Variants in ZNF362 observed in about 807,000 individuals in gnomAD.
ZNF362 encodes the protein zinc finger protein 362, also known as rotund homolog.
ZNF362 carries 11 observed loss-of-function variants against 42.9 expected under a neutral mutation model. That is an observed-to-expected ratio of 0.26 (90% CI 0.16 to 0.42). The LOEUF is 0.42. Among genes scored for constraint, ZNF362 ranks in the 20% least tolerant of loss-of-function variants. The pLI is 1.00. For missense variants in ZNF362, 362 were observed against 576.2 expected, an observed-to-expected ratio of 0.63 and a Z score of 3.81; for synonymous variants, 255 against 257.3, an observed-to-expected ratio of 0.99 and a Z score of 0.09.
At chr1:33,270,666 G>A (rs2148079499) in intron 2 of ZNF362, 54 bp downstream of exon 2, 4 of 1,599,012 alleles carry the variant, frequency 2.5e-6, no homozygotes, top group South Asian at 1.1e-5. Flanking sequence ...TTGTTCTTTG[G>A]GGGATTAAAG....
At chr1:33,181,594 G>A in the ZNF362 span, 1 of 1,310,826 alleles carries the variant, frequency 7.6e-7, no homozygotes, top group Admixed American at 3.2e-5. This position sits in a 1 kb window ranked among gnomAD's most constrained non-coding sequence, Gnocchi z 6.5. Flanking sequence ...CGGAAGGAGG[G>A]TAACGCGAGG....
At chr1:33,161,560 G>A in the ZNF362 span, among the ~76,000 whole-genome samples, 1 of 152,116 alleles carries the variant, frequency 6.6e-6, no homozygotes, top group Non-Finnish European at 1.5e-5. This position sits in a 1 kb window ranked among gnomAD's most constrained non-coding sequence, Gnocchi z 4.3. Flanking sequence ...GCCTCGCTGC[G>A]CATGCCCACC....
chr1:33,147,239 C>T, the ZNF362 span: 1 of 1,613,990 alleles, frequency 6.2e-7, no homozygotes, highest in Non-Finnish European at 8.5e-7. The surrounding 1 kb of genome is among the most constrained non-coding windows in gnomAD (Gnocchi z 8.1). Flanking sequence ...TGGCTCTGGC[C>T]AGGGCTGAAG....
chr1:33,215,463 A>T, the ZNF362 span, among the ~76,000 whole-genome samples: 1 of 152,176 alleles, frequency 6.6e-6, no homozygotes, highest in African/African-American at 2.4e-5. Context: ...CAGAGTGACT[A>T]TGGTCAACAG....
the ZNF362 span, among the ~76,000 whole-genome samples, chr1:33,188,873 A>G: frequency 2.0e-4 from 31 of 152,332 alleles, no homozygotes; most frequent in Admixed American, 1.8e-3. Context: ...ACCCTCTGGT[A>G]GACAATGAAA....
At chr1:33,249,088 A>G in the ZNF362 span, among the ~76,000 whole-genome samples, 1 of 152,380 alleles carries the variant, frequency 6.6e-6, no homozygotes, top group African/African-American at 2.4e-5. Context: ...TCTGTAAAAA[A>G]GGAAAGGTAG....
At chr1:33,156,321 C>T in the ZNF362 span, among the ~76,000 whole-genome samples, 1 of 152,232 alleles carries the variant, frequency 6.6e-6, no homozygotes, top group African/African-American at 2.4e-5. Context: ...TGGACCAGCT[C>T]CAACCAGGCT....
intron 2 of ZNF362, among the ~76,000 whole-genome samples, chr1:33,273,757 T>C (rs1645922731): frequency 6.6e-6 from 1 of 152,192 alleles, no homozygotes; most frequent in South Asian, 2.1e-4. Flanking sequence ...AGGGTGAAAA[T>C]TCTTCCTTGC....
chr1:33,238,332 A>ATAAAATAAAAT, the ZNF362 span, among the ~76,000 whole-genome samples: 1 of 79,254 alleles, frequency 1.3e-5, no homozygotes, highest in East Asian at 3.2e-4. Flanking sequence ...ATAACATAAA[A>ATAAAATAAAAT]TAAAATAAAA....
chr1:33,273,686 T>C (rs1645922202), intron 2 of ZNF362, among the ~76,000 whole-genome samples: 1 of 152,208 alleles, frequency 6.6e-6, no homozygotes, highest in Non-Finnish European at 1.5e-5. Flanking sequence ...CTGTTTCTCA[T>C]GCATGTGGCC....
At chr1:33,159,665 G>A in the ZNF362 span, 3 of 1,589,980 alleles carry the variant, frequency 1.9e-6, no homozygotes, top group South Asian at 1.1e-5. This position sits in a 1 kb window ranked among gnomAD's most constrained non-coding sequence, Gnocchi z 4.2. Context: ...CAGCCGGGGA[G>A]GGCCCCGGCG....
At chr1:33,150,141 C>T in the ZNF362 span, among the ~76,000 whole-genome samples, 1 of 152,222 alleles carries the variant, frequency 6.6e-6, no homozygotes, top group African/African-American at 2.4e-5. Flanking sequence ...TTTCCTTAGC[C>T]TGAATGACCA....
chr1:33,182,247 A>G, the ZNF362 span, among the ~76,000 whole-genome samples: 3 of 152,156 alleles, frequency 2.0e-5, no homozygotes, highest in Admixed American at 2.0e-4. Flanking sequence ...AACTGCATCC[A>G]GGTCTCGCTT....
chr1:33,283,206 C>T (rs1254491080), intron 6 of ZNF362, among the ~76,000 whole-genome samples: 1 of 152,156 alleles, frequency 6.6e-6, no homozygotes, highest in Non-Finnish European at 1.5e-5. Context: ...CGGATCACTG[C>T]AACCTCTGCC....
chr1:33,298,068 G>A (rs1035420830), intron 8 of ZNF362, among the ~76,000 whole-genome samples: 1 of 152,208 alleles, frequency 6.6e-6, no homozygotes, highest in Non-Finnish European at 1.5e-5. Flanking sequence ...GCAGGTGGGA[G>A]TACCGCCTCT....
intron 1 of ZNF362, among the ~76,000 whole-genome samples, chr1:33,269,588 G>T (rs1570388293): frequency 6.6e-6 from 1 of 152,200 alleles, no homozygotes; most frequent in African/African-American, 2.4e-5. Flanking sequence ...CCAGGCTGGA[G>T]TGTAGTGGTG....
chr1:33,183,438 A>G, the ZNF362 span, among the ~76,000 whole-genome samples: 1 of 152,166 alleles, frequency 6.6e-6, no homozygotes, highest in South Asian at 2.1e-4. Context: ...GTTTCTCAAC[A>G]TTTTCTTATG....
the ZNF362 span, among the ~76,000 whole-genome samples, chr1:33,189,665 A>ATATATATATATATATATATATATG: frequency 5.8e-5 from 1 of 17,202 alleles, no homozygotes; most frequent in African/African-American, 1.1e-4. Context: ...ATATATATAT[A>ATATATATATATATATATATATATG]TATATATGTA....
At chr1:33,243,159 T>TTA in the ZNF362 span, among the ~76,000 whole-genome samples, 8 of 136,430 alleles carry the variant, frequency 5.9e-5, no homozygotes, top group South Asian at 6.9e-4. Context: ...TTATGTTATG[T>TTA]TGTTATGTTA....
Sources: gnomAD v4.1 joint callset for allele counts (sites outside exome capture counted in the v4.1 genomes callset) on GRCh38, gnomAD v4.1.1 for gene constraint, Gnocchi (gnomAD v3.1) non-coding constraint, MANE v1.5 for transcripts, NCBI Gene and HGNC (gene_info 2026-07-23, HGNC 2026-07-21) for gene names.